Variants in TENM3 observed in about 807,000 individuals in gnomAD.
TENM3 encodes teneurin-3.
In TENM3, 63 loss-of-function variants were observed where a neutral mutation model predicts 255.1. That is an observed-to-expected ratio of 0.25 (90% CI 0.20 to 0.30). TENM3 has a LOEUF of 0.30. Among genes scored for constraint, TENM3 ranks in the 10% least tolerant of loss-of-function variants. The pLI, the probability that TENM3 is intolerant of heterozygous loss-of-function variation, is 1.00. For missense variants in TENM3, 2,929 were observed against 3,461.1 expected, an observed-to-expected ratio of 0.85 and a Z score of 3.86; for synonymous variants, 1,306 against 1,322.3, an observed-to-expected ratio of 0.99 and a Z score of 0.27.
chr4:182,255,471 C>T (rs978653556), intron 1 of TENM3, among the ~76,000 whole-genome samples: 3 of 152,220 alleles, frequency 2.0e-5, no homozygotes, highest in Non-Finnish European at 4.4e-5. Flanking sequence ...AAAATCAACA[C>T]TTACAGAGGA....
chr4:182,411,851 T>C lies in TENM3; in HGVS notation c.511+64922T>C, dbSNP rs560713191. ...CTTCTTCCTTGGTTCTAAGTACCAGTCACATAGATAAAATATAAAAAGGGA... is the reference window on the plus strand; with the variant it reads ...CTTCTTCCTTGGTTCTAAGTACCAGCCACATAGATAAAATATAAAAAGGGA... On this transcript the variant is annotated intron_variant, in intron 3 of 27. Transcript: ENST00000511685. 2.0e-5 allele frequency among the ~76,000 whole-genome samples: 3 copies of C among 152,280 alleles called. No individual in the cohort carries two copies. The South Asian group carries it at 6.2e-4, about 32-fold the overall frequency.
the TENM3 span, among the ~76,000 whole-genome samples, chr4:182,054,253 GT>G: frequency 6.6e-6 from 1 of 151,894 alleles, no homozygotes; most frequent in South Asian, 2.1e-4. Context: ...GTATAACCCA[GT>G]CCATCTGATT....
chr4:182,395,550 C>G (rs1446312341), intron 3 of TENM3, among the ~76,000 whole-genome samples: 1 of 152,088 alleles, frequency 6.6e-6, no homozygotes, highest in Non-Finnish European at 1.5e-5. Flanking sequence ...AATTGTTGCT[C>G]TCCTTATGCA....
the TENM3 span, among the ~76,000 whole-genome samples, chr4:182,024,111 GA>G: frequency 6.6e-6 from 1 of 151,848 alleles, no homozygotes; most frequent in African/African-American, 2.4e-5. Context: ...AGATTTGGGG[GA>G]AAAAACAACA....
the TENM3 span, among the ~76,000 whole-genome samples, chr4:181,902,593 T>C: frequency 1.3e-5 from 2 of 152,084 alleles, no homozygotes; most frequent in African/African-American, 4.8e-5. Flanking sequence ...TATGCAGCCA[T>C]GAAAAAGAAT....
At chr4:181,883,085 G>A in the TENM3 span, among the ~76,000 whole-genome samples, 1 of 136,406 alleles carries the variant, frequency 7.3e-6, no homozygotes, top group South Asian at 2.3e-4. Flanking sequence ...GTATTCAGAA[G>A]CAGTTGTGCT....
chr4:182,060,341 G>A, the TENM3 span, among the ~76,000 whole-genome samples: 5 of 152,146 alleles, frequency 3.3e-5, no homozygotes, highest in East Asian at 1.9e-4. Flanking sequence ...GATGGCAGAC[G>A]CTGGTGGATG....
At chr4:182,464,921 G>T (rs1160820610) in intron 3 of TENM3, among the ~76,000 whole-genome samples, 1 of 152,076 alleles carries the variant, frequency 6.6e-6, no homozygotes, top group Non-Finnish European at 1.5e-5. Flanking sequence ...ACCCCCTAAT[G>T]ATCAGTATTC....
At chr4:181,935,873 C>T in the TENM3 span, among the ~76,000 whole-genome samples, 1 of 152,156 alleles carries the variant, frequency 6.6e-6, no homozygotes, top group South Asian at 2.1e-4. Context: ...ACCTCATTTC[C>T]ATTATAGTCG....
chr4:182,410,488 G>A (rs375798438), intron 3 of TENM3, among the ~76,000 whole-genome samples: 7 of 152,194 alleles, frequency 4.6e-5, no homozygotes, highest in East Asian at 1.9e-4. Flanking sequence ...GCAGGGCCTC[G>A]CTAAGGAGTA....
At chr4:182,202,963 C>G (rs1212620321) in intron 1 of TENM3, among the ~76,000 whole-genome samples, 2 of 151,982 alleles carry the variant, frequency 1.3e-5, no homozygotes, top group African/African-American at 4.8e-5. Context: ...AGCCTGTAAT[C>G]CCAGCACTTT....
chr4:182,393,443 T>A (rs1347842889), intron 3 of TENM3, among the ~76,000 whole-genome samples: 1 of 152,056 alleles, frequency 6.6e-6, no homozygotes. Context: ...AAAATCAAAA[T>A]GAGATGGCTA....
intron 1 of TENM3, among the ~76,000 whole-genome samples, chr4:182,175,302 T>TA (rs200201122): frequency 0.098 from 11,777 of 120,206 alleles, 702 homozygotes; most frequent in Admixed American, 0.14. Flanking sequence ...TCTGCTTCAT[T>TA]AAAAAAAAAA....
the TENM3 span, among the ~76,000 whole-genome samples, chr4:181,701,918 T>C: frequency 3.3e-5 from 5 of 152,328 alleles, no homozygotes; most frequent in African/African-American, 1.2e-4. Context: ...GCTTTTGGCG[T>C]ATGATGGCTT....
At chr4:182,392,912 TAAG>T (rs1768537667) in intron 3 of TENM3, among the ~76,000 whole-genome samples, 1 of 152,162 alleles carries the variant, frequency 6.6e-6, no homozygotes, top group South Asian at 2.1e-4. Flanking sequence ...ATTGAAGAGA[TAAG>T]AACTGAATAA....
chr4:182,403,531 C>T lies in TENM3; in HGVS notation c.511+56602C>T, dbSNP rs116886754. On this transcript the variant is annotated intron_variant, in intron 3 of 27. Coordinates refer to ENST00000511685, the MANE Select transcript of TENM3 (RefSeq NM_001080477.4). ...CTATCTGATGGTGAAGAGACGGAATCGAAGCTGAAACATCAGACTGAATTA... is the reference window on the plus strand; with the variant it reads ...CTATCTGATGGTGAAGAGACGGAATTGAAGCTGAAACATCAGACTGAATTA... 1.3e-4 allele frequency among the ~76,000 whole-genome samples: 20 copies of T among 152,212 alleles called. 1 individual carries two copies. The East Asian group carries it at 3.5e-3, about 27-fold the overall frequency.
chr4:181,522,057 C>T, the TENM3 span, among the ~76,000 whole-genome samples: 2 of 129,096 alleles, frequency 1.5e-5, no homozygotes, highest in Non-Finnish European at 3.1e-5. Context: ...GCCGAGATCA[C>T]GTCACTGCAC....
At chr4:181,821,688 T>C in the TENM3 span, 5 of 152,274 alleles carry the variant, frequency 3.3e-5, no homozygotes, top group South Asian at 1.0e-3. Context: ...CAATGAGAAG[T>C]CACTTTAATG....
chr4:182,378,289 A>T (rs1353004564), intron 3 of TENM3, among the ~76,000 whole-genome samples: 1 of 152,256 alleles, frequency 6.6e-6, no homozygotes, highest in Non-Finnish European at 1.5e-5. Context: ...GTGATGAACC[A>T]AACAGACAGG....
Sources: allele counts gnomAD v4.1 joint callset (sites outside exome capture counted in the v4.1 genomes callset), GRCh38; gene constraint gnomAD v4.1.1; transcripts MANE v1.5; gene names NCBI Gene and HGNC (gene_info 2026-07-23, HGNC 2026-07-21).